Variants in EHBP1 observed in about 807,000 individuals in gnomAD.
EHBP1 encodes EH domain binding protein 1.
In EHBP1, 55 loss-of-function variants were observed where a neutral mutation model predicts 144.0. The observed-to-expected ratio is 0.38, with a 90% CI of 0.31 to 0.48. EHBP1 has a LOEUF of 0.48. Among genes scored for constraint, EHBP1 ranks in the 20% least tolerant of loss-of-function variants. The pLI is 0.98. For synonymous variants in EHBP1, 469 were observed against 472.7 expected (o/e 0.99, Z 0.10); for missense variants, 1,200 against 1,364.2 (o/e 0.88, Z 1.90).
At chr2:63,042,090 T>C (rs1046328768) in intron 21 of EHBP1, among the ~76,000 whole-genome samples, 3 of 152,188 alleles carry the variant, frequency 2.0e-5, no homozygotes, top group African/African-American at 7.2e-5. Context: ...AACTTAATCC[T>C]ATTTGTTACA....
chr2:62,728,954 G>C (rs991028500), intron 2 of EHBP1, among the ~76,000 whole-genome samples: 18 of 151,588 alleles, frequency 1.2e-4, no homozygotes, highest in Admixed American at 3.9e-4. Context: ...TGTAAGGAAG[G>C]TGTCTACTTT....
chr2:62,979,309 T>G lies in EHBP1; in HGVS notation c.2582T>G (p.Leu861Trp). 7 of 1,613,930 alleles carry G rather than the reference T, an allele frequency of 4.3e-6. No homozygotes were observed. Among genetic ancestry groups the G allele is most frequent in the Non-Finnish European group, 5.9e-6 (7 of 1,179,912 alleles). The part of the protein sequence containing the change: ...PSYGEMAAEK[L>W]KERSKASGEQ... The stretch of plus-strand genomic sequence containing the variant: ...TATGGTGAAATGGCTGCAGAAAAGT[T>G]GAAAGAAAGGTCAAAGGCATCTGGA... Residue 861 changes from leucine (L) to tryptophan (W), a missense_variant, in exon 15 of 23, where the codon TTG (leucine) becomes TGG (tryptophan). Transcript: ENST00000431489.
At chr2:62,916,008 A>G (rs2054586177) in intron 10 of EHBP1, among the ~76,000 whole-genome samples, 1 of 152,200 alleles carries the variant, frequency 6.6e-6, no homozygotes, top group Non-Finnish European at 1.5e-5. Context: ...TTCTAGGTAG[A>G]TGAAAGCATT....
Position 62,948,490 on chromosome 2 carries a change from A to C in EHBP1, c.1644A>C (p.Lys548Asn). ...CAAACAGTTCTGTTGATCAAGAAAA[A>C]TTCTATGCAGAGCTTAGTGATCTGA... ...TDTNSSVDQE[K>N]FYAELSDLKR... is the part of the protein sequence containing the mutation. Residue 548 changes from lysine (K) to asparagine (N), a missense_variant, in exon 13 of 23, where the codon AAA (lysine) becomes AAC (asparagine). Around this residue, in one of 6 missense-constraint regions of EHBP1, gnomAD observed 543 missense variants for 513.1 expected, o/e 1.06. Coordinates refer to ENST00000431489, the MANE Select transcript of EHBP1 (RefSeq NM_001142616.3). The C allele has an allele frequency of 6.2e-7, 1 of 1,613,638 alleles. No individual in the cohort carries two copies. Among genetic ancestry groups the C allele is most frequent in the Non-Finnish European group, 8.5e-7 (1 of 1,179,632 alleles).
rs2058264989 is a variant in EHBP1, at chr2:62,966,741, A to T, written c.2460+11081A>T. Reference sequence around the variant, plus strand: ...TATCATTTCCCAGCATTTTTAAAGGATACAATCTCCTAATTAAATTTAAAT... The same window carrying T: ...TATCATTTCCCAGCATTTTTAAAGGTTACAATCTCCTAATTAAATTTAAAT... On this transcript the variant is annotated intron_variant, in intron 14 of 22. Transcript: ENST00000431489. 3.9e-5 allele frequency among the ~76,000 whole-genome samples: 6 copies of T among 152,186 alleles called. No homozygotes were observed. In the South Asian group the frequency reaches 1.2e-3, roughly 31 times the overall value.
chr2:63,016,279 T>C (rs2153270313), intron 19 of EHBP1, among the ~76,000 whole-genome samples: 1 of 152,292 alleles, frequency 6.6e-6, no homozygotes, highest in East Asian at 1.9e-4. Flanking sequence ...CTGTTTTGTA[T>C]ATATGTGTTT....
At chr2:63,037,191 A>G (rs1235980244) in intron 19 of EHBP1, among the ~76,000 whole-genome samples, 1 of 151,910 alleles carries the variant, frequency 6.6e-6, no homozygotes, top group Non-Finnish European at 1.5e-5. Flanking sequence ...AATTTTTTTT[A>G]ATCATGACCA....
At chr2:62,881,841 G>C (rs968125154) in intron 10 of EHBP1, 1 of 152,112 alleles carries the variant, frequency 6.6e-6, no homozygotes, top group African/African-American at 2.4e-5. Context: ...TGCCTATCTA[G>C]TCATGGGTGT....
intron 2 of EHBP1, among the ~76,000 whole-genome samples, chr2:62,709,275 G>A (rs1396173671): frequency 6.6e-6 from 1 of 152,114 alleles, no homozygotes; most frequent in Non-Finnish European, 1.5e-5. Context: ...GCAAGATGGG[G>A]ATGAGGGAGA....
chr2:62,987,992 A>T lies in EHBP1; in HGVS notation c.2609-2724A>T, dbSNP rs776653691. On this transcript the variant is annotated intron_variant, in intron 15 of 22. Transcript: ENST00000431489. ...AGATCCCTGAAGGCTTTGTTGTAGG[A>T]GGTGGAGATGAACTTACTAACTTAG... 8.1e-6 allele frequency: 13 copies of T among 1,608,292 alleles called. No homozygotes were observed. The South Asian group carries it at 1.4e-4, about 18-fold the overall frequency.
At chr2:62,983,902 GA>G (rs1258760330) in intron 15 of EHBP1, among the ~76,000 whole-genome samples, 1 of 152,146 alleles carries the variant, frequency 6.6e-6, no homozygotes, top group Non-Finnish European at 1.5e-5. Context: ...GATGAATGAA[GA>G]AATTTTTTTA....
At chr2:62,952,902 T>A (rs1456123824) in intron 13 of EHBP1, among the ~76,000 whole-genome samples, 1 of 152,148 alleles carries the variant, frequency 6.6e-6, no homozygotes, top group Non-Finnish European at 1.5e-5. Flanking sequence ...CTTTCAGGAA[T>A]TTTTCCTAAG....
At chr2:62,820,719 G>A (rs2045887381) in intron 5 of EHBP1, among the ~76,000 whole-genome samples, 2 of 129,506 alleles carry the variant, frequency 1.5e-5, no homozygotes, top group Non-Finnish European at 3.2e-5. Flanking sequence ...GGGTGTGTGT[G>A]TGTGTGTGTG....
At chr2:62,955,825 C>T (rs2057666925) in intron 14 of EHBP1, 165 bp downstream of exon 14, 1 of 629,394 alleles carries the variant, frequency 1.6e-6, no homozygotes, top group Non-Finnish European at 2.5e-6. Context: ...ACTTGTAGGA[C>T]CATTTGATCA....
chr2:62,937,235 G>A (rs2056445148), intron 10 of EHBP1, among the ~76,000 whole-genome samples: 1 of 152,162 alleles, frequency 6.6e-6, no homozygotes, highest in Non-Finnish European at 1.5e-5. Context: ...GTATTTTCTT[G>A]AAATGTGAAA....
chr2:62,710,014 C>G (rs2034991252), intron 2 of EHBP1, among the ~76,000 whole-genome samples: 1 of 152,002 alleles, frequency 6.6e-6, no homozygotes, highest in South Asian at 2.1e-4. Flanking sequence ...TTCTTGTTGT[C>G]CTTATGTCAT....
At chr2:62,729,330 TATAATATATATA>T (rs1558562024) in intron 2 of EHBP1, among the ~76,000 whole-genome samples, 1 of 125,280 alleles carries the variant, frequency 8.0e-6, no homozygotes, top group African/African-American at 3.0e-5. Context: ...TATAATATAA[TATAATATATATA>T]ATATATATAA....
chr2:63,040,671 G>A (rs750718907), intron 21 of EHBP1, among the ~76,000 whole-genome samples: 7 of 151,980 alleles, frequency 4.6e-5, no homozygotes, highest in East Asian at 1.9e-4. Flanking sequence ...TAAATCTCTC[G>A]GCCAGTTTCC....
intron 2 of EHBP1, among the ~76,000 whole-genome samples, chr2:62,708,628 T>C (rs944038454): frequency 1.3e-5 from 2 of 152,192 alleles, no homozygotes; most frequent in Non-Finnish European, 2.9e-5. Flanking sequence ...GTCAGGGACA[T>C]AGTGCCTAAT....
Sources: allele counts gnomAD v4.1 joint callset (sites outside exome capture counted in the v4.1 genomes callset), GRCh38; gene constraint gnomAD v4.1.1; regional missense constraint gnomAD v4.1.1; transcripts MANE v1.5; gene names NCBI Gene and HGNC (gene_info 2026-07-23, HGNC 2026-07-21).